Variants in JAKMIP1 observed in about 807,000 individuals in gnomAD.
JAKMIP1 encodes the protein janus kinase and microtubule interacting protein 1, also known as janus kinase and microtubule-interacting protein 1.
A neutral mutation model predicts 113.0 loss-of-function variants in JAKMIP1; 33 were observed. The observed-to-expected ratio is 0.29, with a 90% confidence interval of 0.22 to 0.39. JAKMIP1 has a LOEUF of 0.39. JAKMIP1 is among the 10% of genes least tolerant of loss of function. JAKMIP1 has a pLI of 1.00. For missense variants in JAKMIP1, 813 were observed against 1,080.5 expected (o/e 0.75, Z 3.47); for synonymous variants, 480 against 459.9 (o/e 1.04, Z -0.56).
intron 7 of JAKMIP1, among the ~76,000 whole-genome samples, chr4:6,079,817 C>A (rs1720242175): frequency 6.6e-6 from 1 of 150,790 alleles, no homozygotes; most frequent in African/African-American, 2.5e-5. Context: ...ACCAACCAAC[C>A]AAACAAACAA....
intron 1 of JAKMIP1, among the ~76,000 whole-genome samples, chr4:6,175,408 C>T (rs4689355): frequency 0.4 from 60,947 of 152,086 alleles, 12,338 homozygotes; most frequent in Middle Eastern, 0.44. Flanking sequence ...AGCAGTTCAG[C>T]GCTGGGAGTA....
intron 1 of JAKMIP1, among the ~76,000 whole-genome samples, chr4:6,163,389 C>T (rs1353076274): frequency 1.3e-5 from 2 of 152,130 alleles, no homozygotes; most frequent in African/African-American, 4.8e-5. Context: ...ACTATTGTAA[C>T]TAGGGACATC....
intron 19 of JAKMIP1, among the ~76,000 whole-genome samples, chr4:6,033,226 G>C (rs1712976479): frequency 6.6e-6 from 1 of 152,248 alleles, no homozygotes; most frequent in Admixed American, 6.5e-5. Context: ...CTGTGGGCCA[G>C]ATTCCAGGTG....
In JAKMIP1 at chr4:6,112,976, G is replaced by T; in HGVS notation, c.-126C>A. Reference sequence around the variant, plus strand: ...CGCAGGACTCAGCTCGCCCTCCGAGGAAACCACCATCACTTGGGATCCTGA... The same window carrying T: ...CGCAGGACTCAGCTCGCCCTCCGAGTAAACCACCATCACTTGGGATCCTGA... On this transcript the variant is annotated 5_prime_UTR_variant, in exon 2 of 21. Coordinates refer to ENST00000409021, the MANE Select transcript of JAKMIP1 (RefSeq NM_001099433.2). 1 of 1,329,004 alleles carries T rather than the reference G, an allele frequency of 7.5e-7. No homozygotes were observed. The highest frequency in any genetic ancestry group is 1.0e-6 in the Non-Finnish European group (1 of 1,001,572). The allele number at this position is 1,329,004 out of a possible 1,614,324, so 82.3% of individuals were successfully genotyped here.
rs112172872 is a variant in JAKMIP1, at chr4:6,059,024, G to A, written c.1644+1400C>T. Among the ~76,000 whole-genome samples the A allele has an allele frequency of 8.2e-3, 1,244 of 152,298 alleles. 9 individuals are homozygous for A. The highest frequency in any genetic ancestry group is 0.012 in the Non-Finnish European group (819 of 68,028). On this transcript the variant is annotated intron_variant, in intron 11 of 20. Transcript: ENST00000409021. The surrounding 1 kb of genome is among the most constrained non-coding windows in gnomAD (Gnocchi z 4.8). ...TTATTAGCCCCATTTTAAAGATGAG[G>A]AAACGGAGGCACAAAGAGATTATGT...
At chr4:6,146,532 G>A (rs1016173604) in intron 1 of JAKMIP1, among the ~76,000 whole-genome samples, 6 of 152,114 alleles carry the variant, frequency 3.9e-5, no homozygotes, top group East Asian at 1.9e-4. Context: ...AGGCTCAAGC[G>A]ATCCTCCCGC....
chr4:6,068,596 C>T (rs1340517023), intron 8 of JAKMIP1, among the ~76,000 whole-genome samples: 1 of 136,584 alleles, frequency 7.3e-6, no homozygotes, highest in Non-Finnish European at 1.5e-5. Flanking sequence ...CTCCTTCTGT[C>T]GCCCAGGCTG....
chr4:6,055,861 C>T (rs1261815692), intron 12 of JAKMIP1, among the ~76,000 whole-genome samples: 1 of 149,612 alleles, frequency 6.7e-6, no homozygotes, highest in Non-Finnish European at 1.5e-5. Flanking sequence ...GAGGTCGGGG[C>T]AGCCCTCCTT....
intron 1 of JAKMIP1, among the ~76,000 whole-genome samples, chr4:6,171,308 CCAT>C (rs1724671478): frequency 6.6e-6 from 1 of 151,154 alleles, no homozygotes; most frequent in Non-Finnish European, 1.5e-5. Context: ...AACATCAACA[CCAT>C]CAACATCTCC....
rs1721957829 is a variant in JAKMIP1 at position 6,154,227 on chromosome 4, C to T, written c.-147-41230G>A. The stretch of plus-strand genomic sequence containing the variant: ...GCGGAGGCTGAAGAAACAAGCAAAT[C>T]ACTGGACGTGCAGAGAGGCTGCACT... On this transcript the variant is annotated intron_variant, in intron 1 of 20. Coordinates refer to ENST00000409021, the MANE Select transcript of JAKMIP1 (RefSeq NM_001099433.2). This position sits in a 1 kb window ranked among gnomAD's most constrained non-coding sequence, Gnocchi z 4.2. 6.6e-6 allele frequency among the ~76,000 whole-genome samples: 1 copy of T among 152,212 alleles called. No individual in the cohort carries two copies. The highest frequency in any genetic ancestry group is 2.4e-5 in the African/African-American group (1 of 41,442).
intron 3 of JAKMIP1, among the ~76,000 whole-genome samples, chr4:6,103,406 T>A (rs1713409008): frequency 6.6e-6 from 1 of 152,244 alleles, no homozygotes; most frequent in South Asian, 2.1e-4. Context: ...CTGGATTTGA[T>A]ATGTTAATAT....
rs1012740280 is a variant in JAKMIP1, at chr4:6,158,867, T to C, written c.-148+41386A>G. Among the ~76,000 whole-genome samples the C allele has an allele frequency of 3.9e-5, 6 of 152,090 alleles. No homozygotes were observed. The highest frequency in any genetic ancestry group is 3.3e-4 in the Admixed American group (5 of 15,274). On this transcript the variant is annotated intron_variant, in intron 1 of 20. Coordinates refer to ENST00000409021, the MANE Select transcript of JAKMIP1 (RefSeq NM_001099433.2). This position sits in a 1 kb window ranked among gnomAD's most constrained non-coding sequence, Gnocchi z 5.3. Reference sequence around the variant, plus strand: ...ACTTTGGGAGTTTGAAGCAGGAGGATCGCTTGACCTCAGGAGTTCGAGACC... The same window carrying C: ...ACTTTGGGAGTTTGAAGCAGGAGGACCGCTTGACCTCAGGAGTTCGAGACC...
At position 6,186,948 on chromosome 4, in the gene JAKMIP1, C is replaced by T. The variant is rs1726718115; in HGVS notation, c.-148+13305G>A. On this transcript the variant is annotated intron_variant, in intron 1 of 20. Transcript: ENST00000409021. This position sits in a 1 kb window ranked among gnomAD's most constrained non-coding sequence, Gnocchi z 5.5. ...GGCTCAGGTGATCCTCTCACCTCAGCCTCCTAAGTAGCTGGGACTACAGAC... is the reference window on the plus strand; with the variant it reads ...GGCTCAGGTGATCCTCTCACCTCAGTCTCCTAAGTAGCTGGGACTACAGAC... Among the ~76,000 whole-genome samples, 1 of 152,158 alleles carries T rather than the reference C, an allele frequency of 6.6e-6. No homozygotes were observed. The highest frequency in any genetic ancestry group is 1.5e-5 in the Non-Finnish European group (1 of 68,038).
intron 8 of JAKMIP1, among the ~76,000 whole-genome samples, chr4:6,074,258 G>A (rs1245063575): frequency 1.3e-5 from 2 of 152,244 alleles, no homozygotes; most frequent in African/African-American, 2.4e-5. Context: ...GCAAGGCTCT[G>A]CCCTGACTGC....
intron 16 of JAKMIP1, among the ~76,000 whole-genome samples, chr4:6,045,174 C>G (rs1714825149): frequency 6.6e-6 from 1 of 152,268 alleles, no homozygotes; most frequent in African/African-American, 2.4e-5. Flanking sequence ...ATGGCTCAGA[C>G]CTATGCCTCA....
intron 1 of JAKMIP1, among the ~76,000 whole-genome samples, chr4:6,166,899 A>G (rs776546714): frequency 4.6e-5 from 7 of 151,200 alleles, no homozygotes; most frequent in Non-Finnish European, 8.8e-5. Context: ...CCACCTCCCC[A>G]CTCACCTCTT....
In JAKMIP1 at chr4:6,106,610, C is replaced by T. The variant is rs1252151846; in HGVS notation, c.130-643G>A. 1.3e-5 allele frequency among the ~76,000 whole-genome samples: 2 copies of T among 152,182 alleles called. No homozygotes were observed. Among genetic ancestry groups the T allele is most frequent in the African/African-American group, 2.4e-5 (1 of 41,438 alleles). ...GAGGCAGCCAAAGATCAGAGACAGT[C>T]TGGTGAGCTGCCCAGGGTGAGGGAT... On this transcript the variant is annotated intron_variant, in intron 2 of 20. Coordinates refer to ENST00000409021, the MANE Select transcript of JAKMIP1 (RefSeq NM_001099433.2). The surrounding 1 kb of genome is among the most constrained non-coding windows in gnomAD (Gnocchi z 5.9).
In JAKMIP1 at chr4:6,031,623, T is replaced by A. The variant is rs1358300175; in HGVS notation, c.2380-1842A>T. Among the ~76,000 whole-genome samples the A allele has an allele frequency of 6.6e-6, 1 of 152,126 alleles. No individual in the cohort carries two copies. The highest frequency in any genetic ancestry group is 1.5e-5 in the Non-Finnish European group (1 of 68,006). On this transcript the variant is annotated intron_variant, in intron 19 of 20. Transcript: ENST00000409021. The surrounding 1 kb of genome is among the most constrained non-coding windows in gnomAD (Gnocchi z 4.4). ...GGGTCTGGAATGGCCCATGTCCCGA[T>A]GAGGTGCTCACAGCTTTGGGGTTGC...
chr4:6,146,168 C>T (rs897747832), intron 1 of JAKMIP1, among the ~76,000 whole-genome samples: 1 of 125,604 alleles, frequency 8.0e-6, no homozygotes, highest in Non-Finnish European at 1.6e-5. Context: ...AAGCCAGTCA[C>T]AAAAATAACG....
Sources: allele counts gnomAD v4.1 joint callset (sites outside exome capture counted in the v4.1 genomes callset), GRCh38; gene constraint gnomAD v4.1.1; non-coding constraint Gnocchi (gnomAD v3.1); transcripts MANE v1.5; gene names NCBI Gene and HGNC (gene_info 2026-07-23, HGNC 2026-07-21).